Variants in ENAH observed in about 807,000 individuals in gnomAD.
The protein encoded by ENAH is protein enabled homolog.
Under a neutral mutation model 78.7 loss-of-function variants are expected in ENAH, and 23 were observed. The observed-to-expected ratio is 0.29, with a 90% CI of 0.21 to 0.41. The LOEUF (loss-of-function observed/expected upper bound fraction) is 0.41, where lower values mean the gene tolerates loss of function less well. Among genes scored for constraint, ENAH ranks in the 10% least tolerant of loss-of-function variants. The pLI is 1.00. For missense variants in ENAH, 544 were observed against 691.0 expected (o/e 0.79, Z 2.39); for synonymous variants, 226 against 241.0 (o/e 0.94, Z 0.58).
rs2096533878 is a variant in ENAH at position 225,530,762 on chromosome 1, CAAAAT to C, written c.350-129_350-125del. 8.3e-6 allele frequency: 6 copies of C among 725,700 alleles called. No homozygotes were observed. The East Asian group carries it at 1.6e-4, about 19-fold the overall frequency. 45.0% of individuals were successfully genotyped at this position (725,700 alleles called of 1,614,324 possible). A position where few individuals can be genotyped will look rare whatever the true frequency, so the allele number is the denominator to read the frequency against. Reference sequence around the variant, plus strand: ...ACAAACGTGTCTTCTTTTTGTCTAGCAAAATAAAATATAAGCTTTACATAACACAG... The same window carrying C: ...ACAAACGTGTCTTCTTTTTGTCTAGCAAAATATAAGCTTTACATAACACAG... On this transcript the variant is annotated intron_variant, in intron 3 of 13. Transcript: ENST00000366843.
At chr1:225,509,579 T>A (rs2096360960) in intron 10 of ENAH, among the ~76,000 whole-genome samples, 1 of 152,142 alleles carries the variant, frequency 6.6e-6, no homozygotes, top group East Asian at 1.9e-4. Context: ...GCTTCCTAAT[T>A]GGTCTGCCTA....
At chr1:225,498,817 T>C (rs1203535213) in intron 12 of ENAH, among the ~76,000 whole-genome samples, 1 of 152,172 alleles carries the variant, frequency 6.6e-6, no homozygotes, top group Non-Finnish European at 1.5e-5. Context: ...ATCTGTCCTT[T>C]TGTCTGAAGT....
intron 1 of ENAH, among the ~76,000 whole-genome samples, chr1:225,626,485 C>A (rs919065856): frequency 1.3e-5 from 2 of 152,232 alleles, no homozygotes; most frequent in Non-Finnish European, 2.9e-5. Flanking sequence ...TAAAAAAGAG[C>A]TAGGCCCTCC....
chr1:225,574,509 T>C (rs1182906597), intron 1 of ENAH, among the ~76,000 whole-genome samples: 1 of 151,356 alleles, frequency 6.6e-6, no homozygotes, highest in South Asian at 2.1e-4. Context: ...GGCTGAGACA[T>C]GAGATTCGCT....
At chr1:225,520,959 AGGGAGGGAGGG>A (rs1575391110) in intron 4 of ENAH, among the ~76,000 whole-genome samples, 2 of 4,734 alleles carry the variant, frequency 4.2e-4, no homozygotes, top group East Asian at 9.5e-3. Context: ...GGAGGGAGGG[AGGGAGGGAGGG>A]AGGGAGACAT....
At chr1:225,518,065 C>T in intron 5 of ENAH, 1 of 1,283,392 alleles carries the variant, frequency 7.8e-7, no homozygotes, top group Non-Finnish European at 1.1e-6. Context: ...AGTGAAGCCA[C>T]AAAACCAGCA....
rs182643576 is a variant in ENAH, at chr1:225,588,894, T to C, written c.6-21480A>G. On this transcript the variant is annotated intron_variant, in intron 1 of 13. Coordinates refer to ENST00000366843, the MANE Select transcript of ENAH (RefSeq NM_018212.6). ...CCCTCTGACAAGTCAATTTCAATGT[T>C]AGGTATTGCTCAAAACTGGAAACAG... 3.0e-3 allele frequency among the ~76,000 whole-genome samples: 460 copies of C among 151,714 alleles called. 2 individuals are homozygous for C. The highest frequency in any genetic ancestry group is 0.01 in the African/African-American group (421 of 41,322).
rs1366930435 is a variant in ENAH, at chr1:225,489,102, A to C, written c.*8673T>G. The C allele has an allele frequency of 6.6e-6, 1 of 152,230 alleles. No homozygotes were observed. The highest frequency in any genetic ancestry group is 1.5e-5 in the Non-Finnish European group (1 of 68,032). 9.4% of individuals were successfully genotyped at this position (152,230 alleles called of 1,614,324 possible). ...GAAAACCACTGAATTCTGCCCAGGA[A>C]TTGAAAGAAGGGCTTCTTCACTTCA... On this transcript the variant is annotated 3_prime_UTR_variant, in exon 14 of 14. Transcript: ENST00000366843.
rs1004896208 is a variant in ENAH, at chr1:225,517,471, A to G, written c.803-165T>C. On this transcript the variant is annotated intron_variant, in intron 5 of 13. Transcript: ENST00000366843. ...TGGCCCTGAGGTAGGCGGTGGAGAC[A>G]CTGGATATGTTACAGAGTCAACCAG... is the stretch of plus-strand genomic sequence containing the variant. 7.1e-6 allele frequency: 11 copies of G among 1,551,548 alleles called. No individual in the cohort carries two copies. The African/African-American group carries it at 1.1e-4, about 15-fold the overall frequency.
intron 1 of ENAH, among the ~76,000 whole-genome samples, chr1:225,617,119 T>G (rs1368907946): frequency 6.6e-6 from 1 of 151,860 alleles, no homozygotes; most frequent in African/African-American, 2.4e-5. Flanking sequence ...AAAAAAAGAT[T>G]TGAAGATGTC....
chr1:225,585,391 T>C (rs2096841090), intron 1 of ENAH, among the ~76,000 whole-genome samples: 1 of 152,082 alleles, frequency 6.6e-6, no homozygotes. Flanking sequence ...TTTGACTCAT[T>C]TGATATTTTA....
At chr1:225,535,602 A>G in intron 3 of ENAH, 2 of 1,219,114 alleles carry the variant, frequency 1.6e-6, no homozygotes, top group South Asian at 1.3e-5. Flanking sequence ...TTCGAAGGAC[A>G]ACGGGGCCAT....
At chr1:225,538,508 G>A (rs577801503) in intron 3 of ENAH, among the ~76,000 whole-genome samples, 42 of 151,234 alleles carry the variant, frequency 2.8e-4, no homozygotes, top group Non-Finnish European at 4.6e-4. Context: ...ATGGAGCATC[G>A]TGCATATATA....
At chr1:225,634,776 T>C (rs1186649041) in intron 1 of ENAH, among the ~76,000 whole-genome samples, 1 of 152,246 alleles carries the variant, frequency 6.6e-6, no homozygotes, top group East Asian at 1.9e-4. Context: ...GTCTGGTCTA[T>C]AGGTATGTCC....
At chr1:225,538,133 C>T (rs1465863835) in intron 3 of ENAH, among the ~76,000 whole-genome samples, 2 of 152,142 alleles carry the variant, frequency 1.3e-5, no homozygotes, top group African/African-American at 4.8e-5. Flanking sequence ...TGAGTGATCA[C>T]AACATCAGCA....
intron 1 of ENAH, among the ~76,000 whole-genome samples, chr1:225,644,521 T>A (rs1466740796): frequency 6.6e-6 from 1 of 152,194 alleles, no homozygotes; most frequent in Non-Finnish European, 1.5e-5. Context: ...ATATAATAAT[T>A]ATTAAGACTG....
chr1:225,530,179 A>G (rs1180914607), intron 4 of ENAH, among the ~76,000 whole-genome samples: 3 of 152,252 alleles, frequency 2.0e-5, no homozygotes, highest in African/African-American at 7.2e-5. Context: ...GAAACAGCCA[A>G]CAATATTTCA....
rs1231256229 is a variant in ENAH, at chr1:225,521,318, C to T, written c.435-1753G>A. ...AATTTAAGATTTTTGATACATGGTT[C>T]CAAATTGTCTTTAGGAAAAGTTGTG... is the stretch of plus-strand genomic sequence containing the variant. On this transcript the variant is annotated intron_variant, in intron 4 of 13. Coordinates refer to ENST00000366843, the MANE Select transcript of ENAH (RefSeq NM_018212.6). Among the ~76,000 whole-genome samples the T allele has an allele frequency of 2.6e-5, 4 of 151,892 alleles. No homozygotes were observed. In the South Asian group the frequency reaches 8.3e-4, roughly 32 times the overall value.
intron 1 of ENAH, among the ~76,000 whole-genome samples, chr1:225,571,322 G>A (rs2096761066): frequency 2.0e-5 from 3 of 151,654 alleles, no homozygotes; most frequent in Non-Finnish European, 2.9e-5. Context: ...GCAGTGAGCC[G>A]AGATCATGCC....
Sources: gnomAD v4.1 joint callset for allele counts (sites outside exome capture counted in the v4.1 genomes callset) on GRCh38, gnomAD v4.1.1 for gene constraint, MANE v1.5 for transcripts, NCBI Gene and HGNC (gene_info 2026-07-23, HGNC 2026-07-21) for gene names.